Variants in GRIK5 observed in about 807,000 individuals in gnomAD.
The protein encoded by GRIK5 is glutamate receptor ionotropic, kainate 5.
Under a neutral mutation model 97.4 loss-of-function variants are expected in GRIK5, and 43 were observed. That is an observed-to-expected ratio of 0.44 (90% CI 0.35 to 0.57). The LOEUF (loss-of-function observed/expected upper bound fraction) is 0.57, where lower values mean the gene tolerates loss of function less well. Among genes scored for constraint, GRIK5 ranks in the 20% least tolerant of loss-of-function variants. The probability of loss-of-function intolerance (pLI) is 0.01; values close to 1 mark genes in which losing one functional copy is unlikely to be tolerated. For missense variants in GRIK5, 1,015 were observed against 1,382.0 expected (o/e 0.73, Z 4.21); for synonymous variants, 580 against 583.5 (o/e 0.99, Z 0.09).
intron 11 of GRIK5, among the ~76,000 whole-genome samples, chr19:42,043,451 G>GA (rs2076004795): frequency 6.8e-6 from 1 of 146,900 alleles, no homozygotes; most frequent in East Asian, 2.0e-4. Context: ...TGTCACCCAG[G>GA]CTGGAGTGCA....
chr19:42,066,577 AATAG>A (rs537611382), intron 1 of GRIK5, among the ~76,000 whole-genome samples: 193 of 152,182 alleles, frequency 1.3e-3, no homozygotes, highest in Non-Finnish European at 2.4e-3. Flanking sequence ...GAAAGGTCAA[AATAG>A]ATAGAAATAC....
Position 42,065,537 on chromosome 19 carries a change from G to A in GRIK5, c.80-150C>T. 1.0e-6 allele frequency: 1 copy of A among 967,538 alleles called. No individual in the cohort carries two copies. The highest frequency in any genetic ancestry group is 1.5e-6 in the Non-Finnish European group (1 of 658,132). The allele number at this position is 967,538 out of a possible 1,614,324, so 59.9% of individuals were successfully genotyped here. A position where few individuals can be genotyped will look rare whatever the true frequency, so the allele number is the denominator to read the frequency against. Reference sequence around the variant, plus strand: ...TGAGGTTGGTGGGAGCTAGGGGTCTGGACTCCTGGGTCCTGGGGGAAGGAG... The same window carrying A: ...TGAGGTTGGTGGGAGCTAGGGGTCTAGACTCCTGGGTCCTGGGGGAAGGAG... On this transcript the variant is annotated intron_variant, in intron 2 of 19. Coordinates refer to ENST00000593562, the MANE Select transcript of GRIK5 (RefSeq NM_002088.5). This position sits in a 1 kb window ranked among gnomAD's most constrained non-coding sequence, Gnocchi z 5.8.
At chr19:42,019,200 G>A (rs985033505) in intron 15 of GRIK5, among the ~76,000 whole-genome samples, 4 of 152,080 alleles carry the variant, frequency 2.6e-5, no homozygotes, top group African/African-American at 7.2e-5. Context: ...CTGTGAGGAC[G>A]CCACTAGATT....
chr19:42,043,623 G>T (rs1314751228), intron 11 of GRIK5, among the ~76,000 whole-genome samples: 2 of 151,936 alleles, frequency 1.3e-5, no homozygotes, highest in Non-Finnish European at 2.9e-5. Flanking sequence ...TGTTGGCCAG[G>T]CTGGTCTTAA....
rs2146004350 is a variant in GRIK5 at position 41,999,789 on chromosome 19, A to G, written c.2515-490T>C. On this transcript the variant is annotated intron_variant, in intron 19 of 19. Coordinates refer to ENST00000593562, the MANE Select transcript of GRIK5 (RefSeq NM_002088.5). This position sits in a 1 kb window ranked among gnomAD's most constrained non-coding sequence, Gnocchi z 5.0. ...CTCAAGTGTGCAGAGACAGAAGATAACAGACATGTATGTAGTGTGTTAGGC... is the reference window on the plus strand; with the variant it reads ...CTCAAGTGTGCAGAGACAGAAGATAGCAGACATGTATGTAGTGTGTTAGGC... Among the ~76,000 whole-genome samples the G allele has an allele frequency of 1.3e-5, 2 of 152,370 alleles. No homozygotes were observed. Among genetic ancestry groups the G allele is most frequent in the South Asian group, 4.1e-4 (2 of 4,832 alleles).
chr19:42,011,079 T>A (rs906801257), intron 15 of GRIK5, among the ~76,000 whole-genome samples: 1 of 149,702 alleles, frequency 6.7e-6, no homozygotes, highest in Non-Finnish European at 1.5e-5. Context: ...AGTGTTGGGA[T>A]TACAGGCGTG....
chr19:42,027,955 C>A (rs760614689), intron 12 of GRIK5, among the ~76,000 whole-genome samples: 3 of 152,156 alleles, frequency 2.0e-5, no homozygotes, highest in Non-Finnish European at 4.4e-5. Flanking sequence ...CCTCAACCTC[C>A]TGAGTAGCTG....
At chr19:42,054,553 C>G in intron 8 of GRIK5, 81 bp from the exon 9 acceptor site, 2 of 1,474,132 alleles carry the variant, frequency 1.4e-6, no homozygotes, top group Non-Finnish European at 1.8e-6. Context: ...GAGCTGCCAC[C>G]CTCAAACCCT....
intron 12 of GRIK5, among the ~76,000 whole-genome samples, chr19:42,032,466 T>G (rs940559731): frequency 3.9e-5 from 6 of 152,160 alleles, no homozygotes; most frequent in African/African-American, 4.8e-5. Flanking sequence ...ACCCAGCACT[T>G]TCACTTCTTG....
intron 12 of GRIK5, among the ~76,000 whole-genome samples, chr19:42,038,977 G>A (rs1016215613): frequency 2.0e-5 from 3 of 152,118 alleles, no homozygotes; most frequent in African/African-American, 7.2e-5. Flanking sequence ...GACACAGGAG[G>A]AATGCTCTCC....
At chr19:42,059,322 T>C (rs749768163) in intron 6 of GRIK5, 27 bp downstream of exon 6, 1 of 1,586,000 alleles carries the variant, frequency 6.3e-7, no homozygotes, top group South Asian at 1.1e-5. Context: ...CCCCAGTCCT[T>C]TGGGAAATCA....
chr19:42,037,484 CA>C (rs1056654338), intron 12 of GRIK5, among the ~76,000 whole-genome samples: 1 of 151,986 alleles, frequency 6.6e-6, no homozygotes, highest in Non-Finnish European at 1.5e-5. Context: ...AACAAACAAA[CA>C]AAAAAACCCT....
chr19:42,065,729 G>A lies in GRIK5; in HGVS notation c.42C>T (p.Ala14=). 1.9e-6 allele frequency: 3 copies of A among 1,598,028 alleles called. No homozygotes were observed. Among genetic ancestry groups the A allele is most frequent in the South Asian group, 1.1e-5 (1 of 88,406 alleles). The change falls in exon 2 of 20, where the codon GCC becomes GCT. Residue 14 remains alanine, a synonymous_variant. Coordinates refer to ENST00000593562, the MANE Select transcript of GRIK5 (RefSeq NM_002088.5). The surrounding 1 kb of genome is among the most constrained non-coding windows in gnomAD (Gnocchi z 5.8). ...ELLLLLIVAF[A]SPSCQVLSSL... ...ATGAGAGCACCTGGCAGCTGGGGCTGGCGAAGGCAACAATCAGCAGCAGCA... is the reference window on the plus strand; with the variant it reads ...ATGAGAGCACCTGGCAGCTGGGGCTAGCGAAGGCAACAATCAGCAGCAGCA...
intron 6 of GRIK5, among the ~76,000 whole-genome samples, chr19:42,057,412 C>CAAGA (rs1568927094): frequency 6.6e-6 from 1 of 151,834 alleles, no homozygotes; most frequent in Non-Finnish European, 1.5e-5. Flanking sequence ...TGCTCTGTCA[C>CAAGA]TCAGGCTGGA....
rs1311674794 is a variant in GRIK5 at position 41,999,548 on chromosome 19, C to A, written c.2515-249G>T. 6.6e-6 allele frequency among the ~76,000 whole-genome samples: 1 copy of A among 152,206 alleles called. No homozygotes were observed. Among genetic ancestry groups the A allele is most frequent in the Non-Finnish European group, 1.5e-5 (1 of 68,030 alleles). On this transcript the variant is annotated intron_variant, in intron 19 of 19. Coordinates refer to ENST00000593562, the MANE Select transcript of GRIK5 (RefSeq NM_002088.5). This position sits in a 1 kb window ranked among gnomAD's most constrained non-coding sequence, Gnocchi z 5.0. ...TGTTCCTGAATCTGCCCTTCACCTT[C>A]CACCTAAGCTCCTCTCTTTCCTCTG...
chr19:42,002,615 A>G lies in GRIK5; in HGVS notation c.2514+717T>C. 1 of 628,960 alleles carries G rather than the reference A, an allele frequency of 1.6e-6. No individual in the cohort carries two copies. Among genetic ancestry groups the G allele is most frequent in the Non-Finnish European group, 2.9e-6 (1 of 344,686 alleles). The allele number at this position is 628,960 out of a possible 1,614,324, so 39.0% of individuals were successfully genotyped here. A position where few individuals can be genotyped will look rare whatever the true frequency, so the allele number is the denominator to read the frequency against. On this transcript the variant is annotated intron_variant, in intron 19 of 19. Transcript: ENST00000593562. The surrounding 1 kb of genome is among the most constrained non-coding windows in gnomAD (Gnocchi z 5.2). ...GAGGAAGGGCTGGAGGCTGACAGAG[A>G]GAGGGGAAGCAGGGAACCAGCAGTC...
In GRIK5 at chr19:42,022,953, G is replaced by A. The variant is rs1004559269; in HGVS notation, c.1474-599C>T. 2.2e-4 allele frequency among the ~76,000 whole-genome samples: 34 copies of A among 152,046 alleles called. 1 individual carries two copies. Among genetic ancestry groups the A allele is most frequent in the African/African-American group, 8.0e-4 (33 of 41,382 alleles). On this transcript the variant is annotated intron_variant, in intron 12 of 19. Transcript: ENST00000593562. This position sits in a 1 kb window ranked among gnomAD's most constrained non-coding sequence, Gnocchi z 4.2. ...AAAGCACAACCCTGGATGAAGGAGG[G>A]ATGGCCCAGGCCCAAAACTTCAGCT...
chr19:42,069,021 C>T (rs1347761101), intron 1 of GRIK5: 5 of 510,190 alleles, frequency 9.8e-6, no homozygotes, highest in Non-Finnish European at 1.8e-5. Flanking sequence ...GCTAGAGGGC[C>T]AGGGGCGGCA....
At chr19:42,016,925 T>TA (rs1451656121) in intron 15 of GRIK5, among the ~76,000 whole-genome samples, 1 of 151,968 alleles carries the variant, frequency 6.6e-6, no homozygotes, top group African/African-American at 2.4e-5. Flanking sequence ...CTTGGTACAT[T>TA]AAAAACCCAA....
Sources: allele counts gnomAD v4.1 joint callset (sites outside exome capture counted in the v4.1 genomes callset), GRCh38; gene constraint gnomAD v4.1.1; non-coding constraint Gnocchi (gnomAD v3.1); transcripts MANE v1.5; gene names NCBI Gene and HGNC (gene_info 2026-07-23, HGNC 2026-07-21).